The following SLC35F3 variants were observed in gnomAD, a reference collection of about 807,000 sequenced individuals.
SLC35F3 encodes the protein solute carrier family 35 member F3, also known as putative thiamine transporter SLC35F3.
SLC35F3 carries 25 observed loss-of-function variants against 49.9 expected under a neutral mutation model. The observed-to-expected ratio is 0.50, with a 90% CI of 0.37 to 0.70. SLC35F3 has a LOEUF of 0.70. Ranked by LOEUF, SLC35F3 falls within the 30% of genes least tolerant of loss-of-function variation. The pLI, the probability that SLC35F3 is intolerant of heterozygous loss-of-function variation, is 0.00. For synonymous variants in SLC35F3, 275 were observed against 265.4 expected (o/e 1.04, Z -0.35); for missense variants, 525 against 639.8 (o/e 0.82, Z 1.94).
chr1:233,904,939 G>A lies in SLC35F3; in HGVS notation c.-139G>A. 3 of 941,378 alleles carry A rather than the reference G, an allele frequency of 3.2e-6. No individual in the cohort carries two copies. The highest frequency in any genetic ancestry group is 3.3e-5 in the Admixed American group (1 of 30,742). The allele number at this position is 941,378 out of a possible 1,614,324, so 58.3% of individuals were successfully genotyped here. A position where few individuals can be genotyped will look rare whatever the true frequency, so the allele number is the denominator to read the frequency against. ...AGACCGCGCGGGCGCGCACAAAGCG[G>A]CCCGGGGCGGCCGGCGCGGCGCAGA... is the stretch of plus-strand genomic sequence containing the variant. On this transcript the variant is annotated 5_prime_UTR_variant, in exon 1 of 8. Transcript: ENST00000366618.
intron 2 of SLC35F3, among the ~76,000 whole-genome samples, chr1:233,924,257 G>A (rs761218142): frequency 1.1e-4 from 17 of 152,194 alleles, no homozygotes; most frequent in Non-Finnish European, 2.5e-4. Flanking sequence ...GAATTCGGCT[G>A]TGAATCCATC....
chr1:234,248,191 G>C (rs1246459547), intron 3 of SLC35F3, among the ~76,000 whole-genome samples: 1 of 152,040 alleles, frequency 6.6e-6, no homozygotes, highest in Non-Finnish European at 1.5e-5. Flanking sequence ...GGGTCAGTTG[G>C]CTGGTCCATT....
chr1:234,231,813 C>T lies in SLC35F3; in HGVS notation c.608+72C>T. On this transcript the variant is annotated intron_variant, in intron 3 of 7. Transcript: ENST00000366618. This position sits in a 1 kb window ranked among gnomAD's most constrained non-coding sequence, Gnocchi z 5.4. The stretch of plus-strand genomic sequence containing the variant: ...ATCCAGCGCTGACTCTGCAGAGCTG[C>T]CCCTGGTGGCAGGCGCTGGGATGAG... 1 of 1,417,650 alleles carries T rather than the reference C, an allele frequency of 7.1e-7. No homozygotes were observed. The highest frequency in any genetic ancestry group is 2.0e-5 in the Admixed American group (1 of 49,202). The allele number at this position is 1,417,650 out of a possible 1,614,324, so 87.8% of individuals were successfully genotyped here.
intron 2 of SLC35F3, among the ~76,000 whole-genome samples, chr1:234,188,435 G>A (rs1406788842): frequency 3.9e-5 from 6 of 151,938 alleles, no homozygotes; most frequent in Non-Finnish European, 5.9e-5. Context: ...AGCTTTCCCC[G>A]ACTTCCTGAC....
At chr1:234,253,877 G>T (rs1194347010) in intron 3 of SLC35F3, among the ~76,000 whole-genome samples, 1 of 152,200 alleles carries the variant, frequency 6.6e-6, no homozygotes, top group Non-Finnish European at 1.5e-5. Context: ...AACAAGGAAG[G>T]TCAATGTCAC....
At chr1:234,181,375 G>GA (rs1232809464) in intron 2 of SLC35F3, among the ~76,000 whole-genome samples, 4 of 147,906 alleles carry the variant, frequency 2.7e-5, no homozygotes, top group African/African-American at 7.5e-5. Flanking sequence ...AAAAAGAAAA[G>GA]AAAAAAGAGA....
At chr1:234,291,244 C>T (rs1036800352) in intron 3 of SLC35F3, among the ~76,000 whole-genome samples, 5 of 152,226 alleles carry the variant, frequency 3.3e-5, no homozygotes, top group African/African-American at 9.6e-5. Context: ...TCAATGCTAA[C>T]GTGCACACAT....
At chr1:233,949,051 G>A (rs560584752) in intron 2 of SLC35F3, among the ~76,000 whole-genome samples, 1 of 152,122 alleles carries the variant, frequency 6.6e-6, no homozygotes, top group East Asian at 1.9e-4. Context: ...TCCATCAGTA[G>A]TTCACACATA....
At chr1:234,127,603 T>G (rs987780383) in intron 2 of SLC35F3, among the ~76,000 whole-genome samples, 1 of 152,316 alleles carries the variant, frequency 6.6e-6, no homozygotes, top group Non-Finnish European at 1.5e-5. Flanking sequence ...CAAGGAGTGT[T>G]TTTTTAATGT....
chr1:234,219,070 A>AAAG (rs1266524811), intron 2 of SLC35F3, among the ~76,000 whole-genome samples: 4 of 151,088 alleles, frequency 2.6e-5, no homozygotes, highest in Admixed American at 2.6e-4. Context: ...AAAAAAAAAA[A>AAAG]AAAAAAGCTC....
intron 2 of SLC35F3, among the ~76,000 whole-genome samples, chr1:234,009,433 C>T (rs1228023804): frequency 6.6e-6 from 1 of 152,206 alleles, no homozygotes; most frequent in Non-Finnish European, 1.5e-5. Flanking sequence ...GACATGTAAT[C>T]ACACAGGGCT....
At chr1:234,226,933 C>A (rs1357386126) in intron 2 of SLC35F3, among the ~76,000 whole-genome samples, 1 of 149,648 alleles carries the variant, frequency 6.7e-6, no homozygotes, top group Non-Finnish European at 1.5e-5. Flanking sequence ...AAAGAACACT[C>A]CCCCTGCACT....
Position 234,309,284 on chromosome 1 carries a change from A to G in SLC35F3, c.792A>G (p.Ser264=), listed in dbSNP as rs755474992. 4 of 1,614,218 alleles carry G rather than the reference A, an allele frequency of 2.5e-6. No homozygotes were observed. The highest frequency in any genetic ancestry group is 3.4e-6 in the Non-Finnish European group (4 of 1,180,024). ...ACAAAGCTTTTGTGTTCTTGCTCTC[A>G]TGGATCGTTCTCAGGGACAGATTCA... is the stretch of plus-strand genomic sequence containing the variant. ...CCNKAFVFLL[S]WIVLRDRFMG... Residue 264 remains serine, a synonymous_variant, in exon 4 of 8, where the codon TCA becomes TCG. Coordinates refer to ENST00000366618, the MANE Select transcript of SLC35F3 (RefSeq NM_173508.4).
chr1:234,136,730 C>T (rs1014667052), intron 2 of SLC35F3, among the ~76,000 whole-genome samples: 1 of 152,286 alleles, frequency 6.6e-6, no homozygotes, highest in Non-Finnish European at 1.5e-5. Context: ...GGCAAGAACC[C>T]GATTTGAGTC....
At chr1:233,985,810 G>A (rs889936652) in intron 2 of SLC35F3, among the ~76,000 whole-genome samples, 1 of 152,194 alleles carries the variant, frequency 6.6e-6, no homozygotes, top group African/African-American at 2.4e-5. Context: ...TCTTTATGTG[G>A]GTGCAGACTT....
Position 234,311,077 on chromosome 1 carries a change from G to A in SLC35F3, c.828+1757G>A, listed in dbSNP as rs58835954. ...AATGAAGATCCCAGGAGCCAGTGTCGGTGATGGCATTGATGGCATTTTGTA... is the reference window on the plus strand; with the variant it reads ...AATGAAGATCCCAGGAGCCAGTGTCAGTGATGGCATTGATGGCATTTTGTA... On this transcript the variant is annotated intron_variant, in intron 4 of 7. Coordinates refer to ENST00000366618, the MANE Select transcript of SLC35F3 (RefSeq NM_173508.4). Among the ~76,000 whole-genome samples the A allele has an allele frequency of 4.3e-3, 662 of 152,274 alleles. 9 individuals are homozygous for A. Among genetic ancestry groups the A allele is most frequent in the African/African-American group, 0.015 (627 of 41,556 alleles).
intron 2 of SLC35F3, among the ~76,000 whole-genome samples, chr1:233,973,736 G>C (rs1049270836): frequency 1.3e-5 from 2 of 152,188 alleles, no homozygotes; most frequent in African/African-American, 4.8e-5. Flanking sequence ...AAATGCACGT[G>C]GTCACATGGC....
intron 2 of SLC35F3, among the ~76,000 whole-genome samples, chr1:234,157,583 C>T (rs1271448862): frequency 6.6e-6 from 1 of 152,100 alleles, no homozygotes; most frequent in Non-Finnish European, 1.5e-5. Flanking sequence ...GTTGTTTTCT[C>T]TCGGGAAAGA....
At chr1:234,029,269 G>A (rs1664022887) in intron 2 of SLC35F3, among the ~76,000 whole-genome samples, 1 of 152,172 alleles carries the variant, frequency 6.6e-6, no homozygotes, top group African/African-American at 2.4e-5. Context: ...TGGGAGTGGG[G>A]TCAGCAAAGG....
Sources: allele counts gnomAD v4.1 joint callset (sites outside exome capture counted in the v4.1 genomes callset), GRCh38; gene constraint gnomAD v4.1.1; non-coding constraint Gnocchi (gnomAD v3.1); transcripts MANE v1.5; gene names NCBI Gene and HGNC (gene_info 2026-07-23, HGNC 2026-07-21).